The following ASTN2 variants were observed in gnomAD, a reference collection of about 807,000 sequenced individuals.
ASTN2 encodes the protein astrotactin-2.
ASTN2 carries 54 observed loss-of-function variants against 139.8 expected under a neutral mutation model. The observed-to-expected ratio is 0.39, with a 90% CI of 0.31 to 0.48. ASTN2 has a LOEUF of 0.48. ASTN2 is among the 20% of genes least tolerant of loss of function. The pLI, the probability that ASTN2 is intolerant of heterozygous loss-of-function variation, is 0.95. For synonymous variants in ASTN2, 756 were observed against 719.5 expected (o/e 1.05, Z -0.81); for missense variants, 1,565 against 1,725.1 (o/e 0.91, Z 1.64).
intron 19 of ASTN2, among the ~76,000 whole-genome samples, chr9:116,509,164 T>G (rs1249100015): frequency 6.6e-6 from 1 of 152,148 alleles, no homozygotes; most frequent in African/African-American, 2.4e-5. Context: ...CCCCTTCCCC[T>G]CACCCCACGA....
intron 1 of ASTN2, among the ~76,000 whole-genome samples, chr9:117,307,115 A>G (rs1835020260): frequency 6.6e-6 from 1 of 152,334 alleles, no homozygotes; most frequent in South Asian, 2.1e-4. Flanking sequence ...AAAATGTTCA[A>G]CCGGGGGAAC....
intron 19 of ASTN2, among the ~76,000 whole-genome samples, chr9:116,615,690 A>G (rs1855810881): frequency 7.1e-6 from 1 of 141,624 alleles, no homozygotes; most frequent in African/African-American, 2.6e-5. Flanking sequence ...ACACTTGGAC[A>G]TAGGGTGGGG....
chr9:117,384,956 G>A lies in ASTN2; in HGVS notation c.442+29541C>T, dbSNP rs1346399306. Among the ~76,000 whole-genome samples, 3 of 151,996 alleles carry A rather than the reference G, an allele frequency of 2.0e-5. No homozygotes were observed. In the East Asian group the frequency reaches 5.8e-4, roughly 29 times the overall value. ...GGGAAAACTGGAGAACAGATAAATG[G>A]GATGATGGAAATCCACAACAAATAC... On this transcript the variant is annotated intron_variant, in intron 1 of 22. Coordinates refer to ENST00000313400, the MANE Select transcript of ASTN2 (RefSeq NM_001365068.1).
At chr9:117,310,971 C>T (rs936500207) in intron 1 of ASTN2, among the ~76,000 whole-genome samples, 1 of 152,258 alleles carries the variant, frequency 6.6e-6, no homozygotes, top group African/African-American at 2.4e-5. Flanking sequence ...GATTGAACCC[C>T]AGTTGCCCAC....
At chr9:116,518,841 A>C (rs1850756033) in intron 19 of ASTN2, among the ~76,000 whole-genome samples, 2 of 144,870 alleles carry the variant, frequency 1.4e-5, no homozygotes, top group Admixed American at 7.2e-5. Context: ...TGCCAAAAGC[A>C]AGTAGGAGTA....
intron 13 of ASTN2, among the ~76,000 whole-genome samples, chr9:116,739,170 C>T (rs1022698439): frequency 6.6e-6 from 1 of 152,138 alleles, no homozygotes; most frequent in Admixed American, 6.5e-5. Context: ...AGGTCTCCTT[C>T]ATTTCACAAA....
intron 13 of ASTN2, among the ~76,000 whole-genome samples, chr9:116,804,666 C>A (rs1452116350): frequency 6.6e-6 from 1 of 151,958 alleles, no homozygotes; most frequent in Non-Finnish European, 1.5e-5. Context: ...ACTCATAATA[C>A]AATTATCACT....
intron 16 of ASTN2, among the ~76,000 whole-genome samples, chr9:116,707,723 G>T (rs1214926730): frequency 1.3e-5 from 2 of 152,118 alleles, no homozygotes; most frequent in African/African-American, 4.8e-5. Flanking sequence ...CTACAACCTA[G>T]GTTCCGAATT....
chr9:116,591,463 G>A (rs2131733200), intron 19 of ASTN2, among the ~76,000 whole-genome samples: 1 of 152,336 alleles, frequency 6.6e-6, no homozygotes, highest in Middle Eastern at 3.4e-3. Flanking sequence ...CAGGCTGGTA[G>A]CATAAGCCAA....
At chr9:116,788,143 T>C (rs1321182080) in intron 13 of ASTN2, among the ~76,000 whole-genome samples, 1 of 152,078 alleles carries the variant, frequency 6.6e-6, no homozygotes, top group Non-Finnish European at 1.5e-5. Flanking sequence ...AGAATGGTGG[T>C]TATCAGAGGC....
At chr9:116,814,540 T>C (rs956520141) in intron 12 of ASTN2, among the ~76,000 whole-genome samples, 1 of 151,076 alleles carries the variant, frequency 6.6e-6, no homozygotes, top group African/African-American at 2.4e-5. Context: ...TACATAACAC[T>C]AAGAAAGAAA....
chr9:116,484,385 T>C (rs1849270840), intron 20 of ASTN2, among the ~76,000 whole-genome samples: 1 of 152,210 alleles, frequency 6.6e-6, no homozygotes. Context: ...GTTATGAGCA[T>C]GAGGCAGTAT....
rs999306927 is a variant in ASTN2 at position 117,204,372 on chromosome 9, T to G, written c.1015+9986A>C. Among the ~76,000 whole-genome samples, 6 of 152,216 alleles carry G rather than the reference T, an allele frequency of 3.9e-5. No homozygotes were observed. The East Asian group carries it at 7.7e-4, about 20-fold the overall frequency. On this transcript the variant is annotated intron_variant, in intron 3 of 22. Transcript: ENST00000313400. ...TGTCCCTGGCTGCCTTGATTTATCT[T>G]GATTGATCAACTGATGGATCAATCA... is the stretch of plus-strand genomic sequence containing the variant.
chr9:116,624,862 GA>G (rs572011350), intron 17 of ASTN2, among the ~76,000 whole-genome samples: 345 of 140,738 alleles, frequency 2.5e-3, no homozygotes, highest in Middle Eastern at 7.2e-3. Context: ...GCTTTCTAGA[GA>G]AAAAAAAAAA....
chr9:116,503,761 C>T (rs1267828591), intron 19 of ASTN2, among the ~76,000 whole-genome samples: 1 of 152,136 alleles, frequency 6.6e-6, no homozygotes, highest in South Asian at 2.1e-4. Context: ...TGTAAGTAAT[C>T]TTTCCAATTT....
intron 16 of ASTN2, among the ~76,000 whole-genome samples, chr9:116,704,347 C>T (rs1588226207): frequency 6.6e-6 from 1 of 151,974 alleles, no homozygotes; most frequent in Non-Finnish European, 1.5e-5. Context: ...ACAACATCAA[C>T]AAAAAACCCA....
intron 20 of ASTN2, among the ~76,000 whole-genome samples, chr9:116,462,711 G>A (rs1848525351): frequency 6.6e-6 from 1 of 151,782 alleles, no homozygotes; most frequent in Non-Finnish European, 1.5e-5. Flanking sequence ...TTGGGTTAAG[G>A]GAAGTTCTAG....
In ASTN2 at chr9:116,997,499, C is replaced by T. The variant is rs989505937; in HGVS notation, c.1591+10593G>A. On this transcript the variant is annotated intron_variant, in intron 7 of 22. Transcript: ENST00000313400. ...TTTGTTTTTTTCAAGTCAACTTATT[C>T]AGTAAATTCTTTGTCCAAAGGATTC... Among the ~76,000 whole-genome samples the T allele has an allele frequency of 5.3e-5, 8 of 152,216 alleles. No individual in the cohort carries two copies. In the East Asian group the frequency reaches 1.5e-3, roughly 29 times the overall value.
chr9:117,138,727 A>G (rs1830008122), intron 4 of ASTN2, among the ~76,000 whole-genome samples: 1 of 152,218 alleles, frequency 6.6e-6, no homozygotes. Flanking sequence ...TATGGAAGAG[A>G]TACAAATAAA....
Sources: allele counts gnomAD v4.1 joint callset (sites outside exome capture counted in the v4.1 genomes callset), GRCh38; gene constraint gnomAD v4.1.1; transcripts MANE v1.5; gene names NCBI Gene and HGNC (gene_info 2026-07-23, HGNC 2026-07-21).